ACYP2: variants seen among roughly 807,000 people sequenced by gnomAD.
The protein encoded by ACYP2 is acylphosphatase-2.
Under a neutral mutation model 11.2 loss-of-function variants are expected in ACYP2, and 12 were observed. The observed-to-expected ratio is 1.08, with a 90% CI of 0.69 to 1.74. The LOEUF is 1.74. ACYP2 is among the 40% of genes most tolerant of loss of function. ACYP2 has a pLI of 0.00. For missense variants in ACYP2, 134 were observed against 101.9 expected (o/e 1.31, Z -1.35); for synonymous variants, 43 against 32.2 (o/e 1.33, Z -1.13).
At chr2:54,190,277 C>T (rs1684187398) in intron 6 of ACYP2, among the ~76,000 whole-genome samples, 1 of 152,034 alleles carries the variant, frequency 6.6e-6, no homozygotes, top group Non-Finnish European at 1.5e-5. Flanking sequence ...CCAGTCTCAT[C>T]CTTTAAAACA....
intron 4 of ACYP2, among the ~76,000 whole-genome samples, chr2:54,130,329 A>G (rs1680825879): frequency 6.6e-6 from 1 of 152,142 alleles, no homozygotes; most frequent in Non-Finnish European, 1.5e-5. Flanking sequence ...TGGCATCTTT[A>G]AGGGGCCAAA....
intron 4 of ACYP2, among the ~76,000 whole-genome samples, chr2:54,107,384 G>A (rs143217746): frequency 6.6e-6 from 1 of 150,758 alleles, no homozygotes; most frequent in Non-Finnish European, 1.5e-5. Context: ...TTCTTAGCTT[G>A]TTTTTTTTTG....
rs138360311 is a variant in ACYP2 at position 54,206,205 on chromosome 2, T to C, written c.404+67457T>C. 3.3e-3 allele frequency among the ~76,000 whole-genome samples: 502 copies of C among 152,330 alleles called. 4 individuals carry two copies. The highest frequency in any genetic ancestry group is 0.011 in the African/African-American group (455 of 41,580). On this transcript the variant is annotated intron_variant, in intron 6 of 6. Coordinates refer to ENST00000607452, the MANE Select transcript of ACYP2 (RefSeq NM_001320586.2). ...TAATTCCCCTGTCCTTGAAGACATT[T>C]GGATTTTAAGTTTGGGGCCTTGGGC... is the stretch of plus-strand genomic sequence containing the variant.
chr2:54,227,410 G>A (rs1269208652), intron 6 of ACYP2, among the ~76,000 whole-genome samples: 2 of 152,098 alleles, frequency 1.3e-5, no homozygotes, highest in Non-Finnish European at 2.9e-5. Context: ...GGAGGTCAAT[G>A]TGGGCAGATC....
chr2:54,019,819 C>T (rs1028076714), intron 2 of ACYP2, among the ~76,000 whole-genome samples: 21 of 151,034 alleles, frequency 1.4e-4, no homozygotes, highest in African/African-American at 5.1e-4. Flanking sequence ...GGGGTTTTAC[C>T]ATGTTGATCA....
At chr2:54,177,432 C>T (rs992718200) in intron 6 of ACYP2, among the ~76,000 whole-genome samples, 4 of 152,148 alleles carry the variant, frequency 2.6e-5, no homozygotes, top group Admixed American at 2.6e-4. Flanking sequence ...ATGGAAATAG[C>T]TCCCTAGTGC....
chr2:54,199,308 C>A (rs1684652248), intron 6 of ACYP2, among the ~76,000 whole-genome samples: 1 of 152,198 alleles, frequency 6.6e-6, no homozygotes, highest in East Asian at 1.9e-4. Context: ...TCTTGAGGAA[C>A]CACAGACACA....
intron 2 of ACYP2, among the ~76,000 whole-genome samples, chr2:53,978,652 G>C (rs189617004): frequency 3.3e-5 from 5 of 152,212 alleles, no homozygotes; most frequent in Non-Finnish European, 7.3e-5. Flanking sequence ...TTGAGAGACC[G>C]AGGTGGGCAG....
At chr2:54,255,829 T>A (rs1380006272) in intron 6 of ACYP2, 5 of 1,613,760 alleles carry the variant, frequency 3.1e-6, no homozygotes, top group Admixed American at 1.7e-5. Context: ...GAGGCTGCCG[T>A]CAGTTGTCAG....
intron 4 of ACYP2, among the ~76,000 whole-genome samples, chr2:54,111,087 C>G (rs1679436881): frequency 6.6e-6 from 1 of 151,652 alleles, no homozygotes; most frequent in African/African-American, 2.4e-5. Context: ...TCTCTTTCAG[C>G]AGAAAGAGGT....
At chr2:54,079,689 C>T (rs1244219368) in intron 4 of ACYP2, among the ~76,000 whole-genome samples, 1 of 152,148 alleles carries the variant, frequency 6.6e-6, no homozygotes, top group Non-Finnish European at 1.5e-5. Context: ...TGAAACCTGA[C>T]CAGGGACAGA....
chr2:54,188,413 T>C (rs1684102494), intron 6 of ACYP2, among the ~76,000 whole-genome samples: 1 of 152,160 alleles, frequency 6.6e-6, no homozygotes, highest in Non-Finnish European at 1.5e-5. Flanking sequence ...TTTTAAAATG[T>C]TTAAGGAAAT....
chr2:54,282,987 A>G (rs1326809944), intron 6 of ACYP2, among the ~76,000 whole-genome samples: 1 of 152,214 alleles, frequency 6.6e-6, no homozygotes. Context: ...TATTGTTTTA[A>G]TTAATAATGT....
chr2:54,203,281 T>C (rs1336131962), intron 6 of ACYP2, among the ~76,000 whole-genome samples: 1 of 152,186 alleles, frequency 6.6e-6, no homozygotes, highest in African/African-American at 2.4e-5. Flanking sequence ...ATTGATAATG[T>C]ATAGGAAAAC....
chr2:54,284,490 T>C (rs1688993561), intron 6 of ACYP2, among the ~76,000 whole-genome samples: 2 of 152,210 alleles, frequency 1.3e-5, no homozygotes, highest in African/African-American at 4.8e-5. Flanking sequence ...CCTGTGTGTC[T>C]CCACGTGACT....
chr2:54,164,164 A>G (rs540674820), intron 6 of ACYP2, among the ~76,000 whole-genome samples: 1 of 152,138 alleles, frequency 6.6e-6, no homozygotes, highest in South Asian at 2.1e-4. Context: ...TTCAGAGGAG[A>G]GGGAAGGTGG....
At chr2:54,281,605 A>AT (rs1296744625) in intron 6 of ACYP2, among the ~76,000 whole-genome samples, 1 of 152,200 alleles carries the variant, frequency 6.6e-6, no homozygotes, top group Non-Finnish European at 1.5e-5. Context: ...CTTATGCTCA[A>AT]TTTTTTGTGA....
intron 6 of ACYP2, among the ~76,000 whole-genome samples, chr2:54,230,666 C>T (rs372391018): frequency 1.1e-4 from 16 of 151,730 alleles, no homozygotes; most frequent in African/African-American, 3.4e-4. Context: ...GTGCCTGCCT[C>T]AATCCTTTAT....
intron 4 of ACYP2, among the ~76,000 whole-genome samples, chr2:54,082,353 C>G (rs1448090245): frequency 6.6e-6 from 1 of 151,506 alleles, no homozygotes; most frequent in Non-Finnish European, 1.5e-5. Context: ...TCAAGCGGTT[C>G]TCCTGGCTCA....
Sources: allele counts gnomAD v4.1 joint callset (sites outside exome capture counted in the v4.1 genomes callset), GRCh38; gene constraint gnomAD v4.1.1; transcripts MANE v1.5; gene names NCBI Gene and HGNC (gene_info 2026-07-23, HGNC 2026-07-21).